USP31: variants seen among roughly 807,000 people sequenced by gnomAD.
The protein encoded by USP31 is ubiquitin specific peptidase 31.
A neutral mutation model predicts 119.4 loss-of-function variants in USP31; 44 were observed. That is an observed-to-expected ratio of 0.37 (90% CI 0.29 to 0.47). USP31 has a LOEUF of 0.47. Ranked by LOEUF, USP31 falls within the 20% of genes least tolerant of loss-of-function variation. The pLI, the probability that USP31 is intolerant of heterozygous loss-of-function variation, is 0.99. For synonymous variants in USP31, 749 were observed against 705.6 expected, an observed-to-expected ratio of 1.06 and a Z score of -0.97; for missense variants, 1,643 against 1,730.2, an observed-to-expected ratio of 0.95 and a Z score of 0.89.
chr16:23,104,255 A>G (rs1369384268), intron 5 of USP31, among the ~76,000 whole-genome samples: 1 of 152,172 alleles, frequency 6.6e-6, no homozygotes, highest in African/African-American at 2.4e-5. Context: ...TTCCTGGCAC[A>G]TTTTCCTTCT....
At position 23,072,648 on chromosome 16, in the gene USP31, T is replaced by G. The variant is rs142662479; in HGVS notation, c.2336-451A>C. The G allele has an allele frequency of 2.5e-3, 1,038 of 419,164 alleles. 7 individuals carry two copies. Among genetic ancestry groups the G allele is most frequent in the African/African-American group, 0.019 (944 of 50,030 alleles). The allele number at this position is 419,164 out of a possible 1,614,324, so 26.0% of individuals were successfully genotyped here. ...TTCTCTCAGCCTGTTTTAAGGAAAT[T>G]TGTCACCATTTTCATAATATTAATA... is the stretch of plus-strand genomic sequence containing the variant. On this transcript the variant is annotated intron_variant, in intron 14 of 15. Transcript: ENST00000219689.
Position 23,069,625 on chromosome 16 carries a change from A to G in USP31, c.2489-9T>C. On this transcript the variant is annotated splice_polypyrimidine_tract_variant and intron_variant, in intron 15 of 15. Transcript: ENST00000219689. ...TCGAGTTGAAAAGCCTCCTGAACAC[A>G]GTAAAGAGAATACTGTTAAGTTAAG... is the stretch of plus-strand genomic sequence containing the variant. 2 of 1,591,290 alleles carry G rather than the reference A, an allele frequency of 1.3e-6. No individual in the cohort carries two copies. The highest frequency in any genetic ancestry group is 1.7e-6 in the Non-Finnish European group (2 of 1,165,906).
intron 1 of USP31, among the ~76,000 whole-genome samples, chr16:23,123,438 T>C (rs1415914475): frequency 6.6e-6 from 1 of 152,050 alleles, no homozygotes; most frequent in East Asian, 1.9e-4. Flanking sequence ...CTCATGAGGC[T>C]GAAGCAGGAG....
chr16:23,113,176 T>C (rs982878378), intron 1 of USP31, among the ~76,000 whole-genome samples: 1 of 152,164 alleles, frequency 6.6e-6, no homozygotes, highest in South Asian at 2.1e-4. Flanking sequence ...ATTTCTGACT[T>C]AGGTAGATAA....
chr16:23,063,081 T>G lies in USP31; in HGVS notation c.*4965A>C, dbSNP rs973882039. 1 of 152,224 alleles carries G rather than the reference T, an allele frequency of 6.6e-6. No individual in the cohort carries two copies. The highest frequency in any genetic ancestry group is 1.5e-5 in the Non-Finnish European group (1 of 68,038). The allele number at this position is 152,224 out of a possible 1,614,324, so 9.4% of individuals were successfully genotyped here. On this transcript the variant is annotated 3_prime_UTR_variant, in exon 16 of 16. Transcript: ENST00000219689. ...TAGGGACTGGGACCCAGGCACTGTA[T>G]TTTTTAAAGTTCCCCAGCTGATTCT...
At chr16:23,090,598 T>A in intron 7 of USP31, 26 bp downstream of exon 7, 1 of 1,580,742 alleles carries the variant, frequency 6.3e-7, no homozygotes, top group Non-Finnish European at 8.7e-7. Flanking sequence ...GTCTAGGTAC[T>A]TACTGGAAAA....
chr16:23,064,133 T>G lies in USP31; in HGVS notation c.*3913A>C, dbSNP rs954463924. On this transcript the variant is annotated 3_prime_UTR_variant, in exon 16 of 16. Transcript: ENST00000219689. ...CCACGCACCTCCAGAATACGTGTTT[T>G]ATTGAAACTGTGCTTATGACTTGCA... The G allele has an allele frequency of 1.3e-5, 2 of 152,690 alleles. No individual in the cohort carries two copies. Among genetic ancestry groups the G allele is most frequent in the African/African-American group, 4.8e-5 (2 of 41,474 alleles). 9.5% of individuals were successfully genotyped at this position (152,690 alleles called of 1,614,324 possible). A position where few individuals can be genotyped will look rare whatever the true frequency, so the allele number is the denominator to read the frequency against.
Position 23,061,523 on chromosome 16 carries a change from TA to T in USP31, c.*6522del. ...TTTCAGAAATAAAACGTTTCAAACG[TA>T]AAAATATAAATTCTGCTTCTTAAAA... On this transcript the variant is annotated 3_prime_UTR_variant, in exon 16 of 16. Transcript: ENST00000219689. 6.5e-6 allele frequency: 1 copy of T among 152,746 alleles called. No homozygotes were observed. The highest frequency in any genetic ancestry group is 1.5e-5 in the Non-Finnish European group (1 of 68,026). 9.5% of individuals were successfully genotyped at this position (152,746 alleles called of 1,614,324 possible).
At chr16:23,146,837 A>G (rs1903523547) in intron 1 of USP31, among the ~76,000 whole-genome samples, 2 of 152,188 alleles carry the variant, frequency 1.3e-5, no homozygotes, top group Non-Finnish European at 2.9e-5. Context: ...GAAGCTTTAT[A>G]GCACCAATGG....
chr16:23,139,280 T>C (rs531508134), intron 1 of USP31, among the ~76,000 whole-genome samples: 10 of 152,242 alleles, frequency 6.6e-5, no homozygotes, highest in African/African-American at 2.2e-4. Context: ...TGCCCACCTG[T>C]AATCCCAGCT....
intron 1 of USP31, among the ~76,000 whole-genome samples, chr16:23,115,598 T>C (rs1449593964): frequency 3.9e-5 from 6 of 152,216 alleles, no homozygotes; most frequent in African/African-American, 1.2e-4. Flanking sequence ...GTGGGTATAG[T>C]GTTTCTGTTT....
intron 1 of USP31, among the ~76,000 whole-genome samples, chr16:23,136,653 CAA>C (rs200523344): frequency 6.6e-5 from 5 of 76,292 alleles, no homozygotes; most frequent in Non-Finnish European, 5.3e-5. Flanking sequence ...GACTTCATCT[CAA>C]AAAAAAAAAA....
chr16:23,073,611 T>G (rs745889129), intron 14 of USP31, 111 bp downstream of exon 14: 30 of 1,300,292 alleles, frequency 2.3e-5, no homozygotes, highest in Non-Finnish European at 2.8e-5. Flanking sequence ...ACGTAAGGAT[T>G]CATCTGATCA....
intron 12 of USP31, 129 bp downstream of exon 12, chr16:23,082,309 T>A: frequency 7.8e-7 from 1 of 1,279,454 alleles, no homozygotes; most frequent in Non-Finnish European, 1.1e-6. Flanking sequence ...AAAGTGTGTC[T>A]ATAACATACA....
At chr16:23,092,494 C>T (rs577608749) in intron 6 of USP31, among the ~76,000 whole-genome samples, 20 of 152,148 alleles carry the variant, frequency 1.3e-4, no homozygotes, top group Non-Finnish European at 2.4e-4. Context: ...CCACATAACA[C>T]GCTGGTGTGA....
chr16:23,123,698 C>A (rs1902756155), intron 1 of USP31, among the ~76,000 whole-genome samples: 1 of 152,122 alleles, frequency 6.6e-6, no homozygotes, highest in African/African-American at 2.4e-5. Context: ...AACTAAAAAG[C>A]AGATTAGAAA....
intron 1 of USP31, among the ~76,000 whole-genome samples, chr16:23,133,448 G>C (rs558327935): frequency 2.0e-5 from 3 of 152,216 alleles, no homozygotes; most frequent in Admixed American, 2.0e-4. Context: ...ACATGAGGGA[G>C]TTGGGGGGAG....
At position 23,068,602 on chromosome 16, in the gene USP31, GCT is replaced by G. The variant is rs1240945479; in HGVS notation, c.3501_3502del (p.Arg1167SerfsTer55). ...GGGTTTGGAGGTGGAGGTGGCGCTG[GCT>G]CTGTCAGAACCCAAGCTTTGTCTGG... On this transcript the variant is annotated frameshift_variant, in exon 16 of 16. Transcript: ENST00000219689. LOFTEE classifies it high-confidence loss of function. 6.2e-7 allele frequency: 1 copy of G among 1,614,082 alleles called. No homozygotes were observed. The highest frequency in any genetic ancestry group is 8.5e-7 in the Non-Finnish European group (1 of 1,180,048).
intron 6 of USP31, among the ~76,000 whole-genome samples, chr16:23,098,438 AC>A (rs771394194): frequency 2.0e-5 from 3 of 152,172 alleles, no homozygotes; most frequent in Non-Finnish European, 2.9e-5. Flanking sequence ...CCATCAAGCT[AC>A]CAATGACTTT....
Sources: allele counts gnomAD v4.1 joint callset (sites outside exome capture counted in the v4.1 genomes callset), GRCh38; gene constraint gnomAD v4.1.1; transcripts MANE v1.5; gene names NCBI Gene and HGNC (gene_info 2026-07-23, HGNC 2026-07-21).